The following ARB2A variants were observed in gnomAD, a reference collection of about 807,000 sequenced individuals.
ARB2A encodes the protein ARB2 cotranscriptional regulator A, also known as cotranscriptional regulator ARB2A.
the ARB2A span, among the ~76,000 whole-genome samples, chr5:94,095,768 G>C: frequency 2.0e-5 from 3 of 152,086 alleles, no homozygotes; most frequent in African/African-American, 7.2e-5. Context: ...CACCCAACCA[G>C]AAGGTTAATA....
chr5:93,905,926 AT>A, the ARB2A span, among the ~76,000 whole-genome samples: 3 of 151,654 alleles, frequency 2.0e-5, no homozygotes, highest in African/African-American at 4.8e-5. Flanking sequence ...CTTTAAAAAA[AT>A]ATTTTAATTT....
At chr5:93,618,787 GTAGTTT>G in the ARB2A span, 2 of 152,304 alleles carry the variant, frequency 1.3e-5, no homozygotes, top group African/African-American at 2.4e-5. Context: ...TAACCATCCA[GTAGTTT>G]TAAAGTATTA....
the ARB2A span, among the ~76,000 whole-genome samples, chr5:93,745,132 T>C: frequency 2.0e-5 from 3 of 152,216 alleles, no homozygotes; most frequent in Non-Finnish European, 4.4e-5. Context: ...TAAGGAGACA[T>C]AACCAACTGC....
At chr5:94,037,148 T>C in the ARB2A span, among the ~76,000 whole-genome samples, 5 of 152,204 alleles carry the variant, frequency 3.3e-5, no homozygotes, top group African/African-American at 1.2e-4. Flanking sequence ...TCTGTTCATA[T>C]ATAAATACTA....
At chr5:94,050,629 A>G in the ARB2A span, 1 of 827,712 alleles carries the variant, frequency 1.2e-6, no homozygotes, top group Non-Finnish European at 1.9e-6. Context: ...TTTTGGAATC[A>G]CATTTTGTAG....
the ARB2A span, chr5:93,881,367 A>G: frequency 1.1e-6 from 1 of 869,622 alleles, no homozygotes; most frequent in Non-Finnish European, 1.7e-6. Flanking sequence ...AATGATGACA[A>G]ATAAAAAAAT....
the ARB2A span, among the ~76,000 whole-genome samples, chr5:93,784,764 G>A: frequency 1.3e-5 from 2 of 152,100 alleles, no homozygotes; most frequent in Admixed American, 6.6e-5. Flanking sequence ...TTGACGATTC[G>A]AGGATTAAAG....
the ARB2A span, among the ~76,000 whole-genome samples, chr5:94,091,531 T>C: frequency 3.9e-5 from 6 of 152,208 alleles, no homozygotes; most frequent in Non-Finnish European, 7.3e-5. Context: ...ACTTTGTTCA[T>C]AAGCAGTGAA....
chr5:93,788,404 G>A, the ARB2A span, among the ~76,000 whole-genome samples: 1 of 152,076 alleles, frequency 6.6e-6, no homozygotes, highest in Non-Finnish European at 1.5e-5. Flanking sequence ...TGCAGTGCAG[G>A]CCTTCCACAG....
the ARB2A span, among the ~76,000 whole-genome samples, chr5:94,057,524 A>G: frequency 5.3e-5 from 8 of 152,222 alleles, no homozygotes; most frequent in African/African-American, 1.9e-4. Context: ...ATTTAACAAC[A>G]GTTAAAATGG....
the ARB2A span, among the ~76,000 whole-genome samples, chr5:93,985,170 A>C: frequency 1.1e-4 from 17 of 152,320 alleles, no homozygotes; most frequent in Non-Finnish European, 2.1e-4. Context: ...CTTATAGCAG[A>C]CTAAATGTGC....
chr5:93,672,075 A>T, the ARB2A span, among the ~76,000 whole-genome samples: 1 of 152,160 alleles, frequency 6.6e-6, no homozygotes, highest in Non-Finnish European at 1.5e-5. Context: ...TTAGCTCCAA[A>T]TCTTAAAGAA....
At chr5:93,970,978 A>G in the ARB2A span, among the ~76,000 whole-genome samples, 1 of 152,096 alleles carries the variant, frequency 6.6e-6, no homozygotes, top group Non-Finnish European at 1.5e-5. Context: ...AAAGTTTAAA[A>G]ATATTTTGAA....
At chr5:94,007,543 C>T in the ARB2A span, among the ~76,000 whole-genome samples, 9 of 152,010 alleles carry the variant, frequency 5.9e-5, no homozygotes, top group Admixed American at 2.0e-4. Flanking sequence ...GAGGCCAAGG[C>T]GGGCAGATCA....
the ARB2A span, among the ~76,000 whole-genome samples, chr5:93,877,243 C>T: frequency 3.9e-5 from 6 of 152,306 alleles, no homozygotes; most frequent in Admixed American, 3.3e-4. Context: ...GCACTTCCAA[C>T]CCAACATTAG....
the ARB2A span, among the ~76,000 whole-genome samples, chr5:94,104,344 A>T: frequency 2.8e-5 from 4 of 144,912 alleles, no homozygotes; most frequent in Non-Finnish European, 6.1e-5. Flanking sequence ...CCACAGAAAT[A>T]AAAAAAAAAA....
chr5:93,735,824 G>C, the ARB2A span: 14 of 152,206 alleles, frequency 9.2e-5, no homozygotes, highest in East Asian at 2.7e-3. Flanking sequence ...CCTGTAGCTT[G>C]TGTGGAGGAA....
chr5:93,696,128 T>C, the ARB2A span, among the ~76,000 whole-genome samples: 1 of 152,108 alleles, frequency 6.6e-6, no homozygotes, highest in African/African-American at 2.4e-5. Flanking sequence ...GGCACGTGTA[T>C]ACCTATGTAA....
chr5:93,672,661 G>GA, the ARB2A span, among the ~76,000 whole-genome samples: 7 of 151,486 alleles, frequency 4.6e-5, no homozygotes, highest in African/African-American at 1.7e-4. Flanking sequence ...AGATAAAGAA[G>GA]AAAAAACAAT....
Sources: gnomAD v4.1 joint callset for allele counts (sites outside exome capture counted in the v4.1 genomes callset) on GRCh38, gnomAD v4.1.1 for gene constraint, MANE v1.5 for transcripts, NCBI Gene and HGNC (gene_info 2026-07-23, HGNC 2026-07-21) for gene names.